Variants in MSRA observed in about 807,000 individuals in gnomAD.
The protein encoded by MSRA is methionine sulfoxide reductase A.
In MSRA, 54 loss-of-function variants were observed where a neutral mutation model predicts 31.3. The ratio of observed to expected loss-of-function variants is 1.73; its 90% CI spans 1.39 to 2.17. The LOEUF (loss-of-function observed/expected upper bound fraction) is 2.17. Ranked by LOEUF, MSRA falls within the 30% of genes most tolerant of loss-of-function variation. The pLI is 0.00. For synonymous variants in MSRA, 169 were observed against 116.5 expected (o/e 1.45, Z -2.90); for missense variants, 507 against 300.9 (o/e 1.69, Z -5.07).
chr8:10,413,664 A>AG (rs1479271405), intron 5 of MSRA, among the ~76,000 whole-genome samples: 2 of 151,764 alleles, frequency 1.3e-5, no homozygotes, highest in Non-Finnish European at 2.9e-5. Flanking sequence ...GAGATATTAA[A>AG]AAAAAAAAAA....
At chr8:10,182,708 C>T (rs2129050474) in intron 1 of MSRA, among the ~76,000 whole-genome samples, 1 of 152,284 alleles carries the variant, frequency 6.6e-6, no homozygotes, top group Non-Finnish European at 1.5e-5. Context: ...GGCTCAGGGC[C>T]TCATTTCCTT....
chr8:10,385,545 A>G (rs1806333912), intron 5 of MSRA, among the ~76,000 whole-genome samples: 1 of 152,108 alleles, frequency 6.6e-6, no homozygotes, highest in Non-Finnish European at 1.5e-5. Context: ...CAGGAGGGGC[A>G]GAGGAGTGAG....
At chr8:10,321,726 A>C (rs1216083052) in intron 5 of MSRA, among the ~76,000 whole-genome samples, 1 of 152,194 alleles carries the variant, frequency 6.6e-6, no homozygotes, top group Non-Finnish European at 1.5e-5. Flanking sequence ...TTGCCACGTC[A>C]TGAAGCAGCC....
At chr8:10,286,645 C>G (rs1799954006) in intron 3 of MSRA, among the ~76,000 whole-genome samples, 1 of 152,228 alleles carries the variant, frequency 6.6e-6, no homozygotes, top group Non-Finnish European at 1.5e-5. Flanking sequence ...GTCTGTGCCC[C>G]TCCCATGGCA....
intron 1 of MSRA, among the ~76,000 whole-genome samples, chr8:10,181,056 ATC>A (rs1563189196): frequency 6.6e-6 from 1 of 152,238 alleles, no homozygotes; most frequent in East Asian, 1.9e-4. Context: ...TCTAGGCACT[ATC>A]CTAGAAACTG....
chr8:10,339,848 G>C (rs1043480407), intron 5 of MSRA, among the ~76,000 whole-genome samples: 2 of 152,036 alleles, frequency 1.3e-5, no homozygotes, highest in African/African-American at 2.4e-5. Flanking sequence ...GCAGCAAGGG[G>C]TTTTCAATAC....
chr8:10,081,939 C>T (rs1219641069), intron 1 of MSRA, among the ~76,000 whole-genome samples: 1 of 152,182 alleles, frequency 6.6e-6, no homozygotes, highest in Non-Finnish European at 1.5e-5. Context: ...TTTGGTGGCT[C>T]ATGCCTGTGT....
chr8:10,088,968 G>A (rs1798721698), intron 1 of MSRA, among the ~76,000 whole-genome samples: 1 of 152,186 alleles, frequency 6.6e-6, no homozygotes, highest in Admixed American at 6.5e-5. Context: ...GAATAAAGCA[G>A]TGGTTTCCAT....
Position 10,133,067 on chromosome 8 carries a change from T to G in MSRA, c.143-74766T>G, listed in dbSNP as rs188134752. 1.3e-3 allele frequency among the ~76,000 whole-genome samples: 191 copies of G among 152,284 alleles called. 4 individuals are homozygous for G. Among genetic ancestry groups the G allele is most frequent in the African/African-American group, 4.2e-3 (176 of 41,572 alleles). ...TTAAAGGCCTACAGCCATCCAACTC[T>G]TAGGGAAGGGAGTCCGCATTGGACT... is the stretch of plus-strand genomic sequence containing the variant. On this transcript the variant is annotated intron_variant, in intron 1 of 5. Coordinates refer to ENST00000317173, the MANE Select transcript of MSRA (RefSeq NM_012331.5).
chr8:10,292,308 C>A (rs542642718), intron 3 of MSRA, among the ~76,000 whole-genome samples: 4 of 152,278 alleles, frequency 2.6e-5, no homozygotes, highest in Admixed American at 6.5e-5. Flanking sequence ...GCTCCTCCGG[C>A]CCATACGTCT....
chr8:10,291,125 G>T (rs756571398), intron 3 of MSRA, among the ~76,000 whole-genome samples: 8 of 152,152 alleles, frequency 5.3e-5, no homozygotes, highest in Non-Finnish European at 8.8e-5. Flanking sequence ...GAAACCTCCA[G>T]TGCACAAAGA....
intron 3 of MSRA, among the ~76,000 whole-genome samples, chr8:10,274,135 G>T (rs935746565): frequency 2.6e-5 from 4 of 152,192 alleles, no homozygotes; most frequent in African/African-American, 9.7e-5. Flanking sequence ...TATTATCACA[G>T]AGCAGAGAAA....
At chr8:10,335,526 G>A (rs1802986146) in intron 5 of MSRA, among the ~76,000 whole-genome samples, 1 of 152,100 alleles carries the variant, frequency 6.6e-6, no homozygotes, top group Admixed American at 6.5e-5. Flanking sequence ...TCAGAGCTGC[G>A]GGTGACTCTT....
chr8:10,065,264 C>G (rs2128914764), intron 1 of MSRA, among the ~76,000 whole-genome samples: 1 of 152,290 alleles, frequency 6.6e-6, no homozygotes, highest in South Asian at 2.1e-4. Flanking sequence ...TCTGTCCCTG[C>G]TAGCCCCATG....
intron 3 of MSRA, among the ~76,000 whole-genome samples, chr8:10,258,579 G>A (rs1798304134): frequency 6.6e-6 from 1 of 152,196 alleles, no homozygotes. Flanking sequence ...CCACTGGAAA[G>A]TCTTGGAAGA....
At chr8:10,237,082 A>G (rs1812007470) in intron 2 of MSRA, among the ~76,000 whole-genome samples, 1 of 152,242 alleles carries the variant, frequency 6.6e-6, no homozygotes, top group Non-Finnish European at 1.5e-5. Flanking sequence ...TCACACTAAA[A>G]TCACCTGTTA....
At chr8:10,322,370 G>T (rs1802091614) in intron 5 of MSRA, among the ~76,000 whole-genome samples, 1 of 135,800 alleles carries the variant, frequency 7.4e-6, no homozygotes, top group South Asian at 2.7e-4. Context: ...TAGGATGGTG[G>T]AAGTATGGGT....
At chr8:10,427,477 G>A (rs1415786129) in intron 5 of MSRA, among the ~76,000 whole-genome samples, 3 of 152,174 alleles carry the variant, frequency 2.0e-5, no homozygotes, top group Non-Finnish European at 2.9e-5. Context: ...GCCACATCCT[G>A]CCCTGCCCTG....
chr8:10,233,483 T>A (rs894842571), intron 2 of MSRA, among the ~76,000 whole-genome samples: 6 of 152,216 alleles, frequency 3.9e-5, no homozygotes, highest in African/African-American at 1.2e-4. Flanking sequence ...AATAATAAAC[T>A]ATGACAGAAA....
Sources: allele counts gnomAD v4.1 joint callset (sites outside exome capture counted in the v4.1 genomes callset), GRCh38; gene constraint gnomAD v4.1.1; transcripts MANE v1.5; gene names NCBI Gene and HGNC (gene_info 2026-07-23, HGNC 2026-07-21).